Variants in MOB3B observed in about 807,000 individuals in gnomAD.
MOB3B encodes the protein MOB kinase activator-like 2B.
In MOB3B, 7 loss-of-function variants were observed where a neutral mutation model predicts 18.7. The ratio of observed to expected loss-of-function variants is 0.37; its 90% CI spans 0.21 to 0.70. The LOEUF (loss-of-function observed/expected upper bound fraction) is 0.70. MOB3B is among the 30% of genes least tolerant of loss of function. The pLI is 0.52. For missense variants in MOB3B, 253 were observed against 281.3 expected, an observed-to-expected ratio of 0.90 and a Z score of 0.72; for synonymous variants, 111 against 99.9, an observed-to-expected ratio of 1.11 and a Z score of -0.66.
chr9:27,505,873 TC>T (rs1820051320), intron 1 of MOB3B, among the ~76,000 whole-genome samples: 1 of 152,050 alleles, frequency 6.6e-6, no homozygotes, highest in Admixed American at 6.5e-5. Flanking sequence ...TTTTTCCCCC[TC>T]TCTCTTCCTT....
intron 1 of MOB3B, 93 bp from the exon 2 acceptor site, chr9:27,455,841 C>T: frequency 7.9e-7 from 1 of 1,263,434 alleles, no homozygotes; most frequent in Non-Finnish European, 1.0e-6. Flanking sequence ...GTGTTCTTGG[C>T]TGTGCCCACT....
Position 27,390,482 on chromosome 9 carries a change from G to T in MOB3B, c.419-31246C>A, listed in dbSNP as rs545353443. On this transcript the variant is annotated intron_variant, in intron 2 of 3. Transcript: ENST00000262244. The stretch of plus-strand genomic sequence containing the variant: ...CTCCCAAAGTGCTGGGATTATAGGC[G>T]TGAGCCACCGTGCCCGGCCAAGTTG... Among the ~76,000 whole-genome samples, 14 of 152,298 alleles carry T rather than the reference G, an allele frequency of 9.2e-5. No homozygotes were observed. In the South Asian group the frequency reaches 2.9e-3, roughly 32 times the overall value.
intron 2 of MOB3B, among the ~76,000 whole-genome samples, chr9:27,433,416 G>C (rs945631433): frequency 6.6e-6 from 1 of 152,162 alleles, no homozygotes; most frequent in Non-Finnish European, 1.5e-5. Flanking sequence ...AAGCCACATA[G>C]AGGTGAAACT....
At chr9:27,508,445 G>A (rs1325849492) in intron 1 of MOB3B, among the ~76,000 whole-genome samples, 3 of 151,982 alleles carry the variant, frequency 2.0e-5, no homozygotes, top group Non-Finnish European at 4.4e-5. Flanking sequence ...AGGATTTGGA[G>A]AAGAGTGAAG....
At chr9:27,493,235 C>A (rs1197511078) in intron 1 of MOB3B, among the ~76,000 whole-genome samples, 1 of 152,172 alleles carries the variant, frequency 6.6e-6, no homozygotes, top group Middle Eastern at 3.2e-3. Context: ...CGGCTGAAGC[C>A]ATGACAGAAG....
intron 2 of MOB3B, among the ~76,000 whole-genome samples, chr9:27,401,803 T>C (rs75175430): frequency 0.015 from 2,352 of 152,320 alleles, 28 homozygotes; most frequent in Middle Eastern, 0.034. Context: ...ATGGCAAACA[T>C]ACTGATCTGT....
intron 1 of MOB3B, among the ~76,000 whole-genome samples, chr9:27,512,022 C>G (rs918641900): frequency 6.6e-6 from 1 of 152,148 alleles, no homozygotes; most frequent in African/African-American, 2.4e-5. Context: ...CTAAGCCTAA[C>G]CATATAACCT....
At chr9:27,383,385 G>T (rs1022166409) in intron 2 of MOB3B, among the ~76,000 whole-genome samples, 1 of 152,174 alleles carries the variant, frequency 6.6e-6, no homozygotes, top group African/African-American at 2.4e-5. Flanking sequence ...CAGGGTTCAG[G>T]TTTTATAGTT....
chr9:27,486,133 G>A lies in MOB3B; in HGVS notation c.-198-30385C>T, dbSNP rs144118104. 7.6e-3 allele frequency among the ~76,000 whole-genome samples: 1,155 copies of A among 152,316 alleles called. 7 individuals are homozygous for A. The highest frequency in any genetic ancestry group is 0.012 in the Non-Finnish European group (794 of 68,022). ...GAAAAGAGCAAGTGCCACAAGACAG[G>A]ACAACGGGCAAGAGCTAGTTTCGAT... is the stretch of plus-strand genomic sequence containing the variant. On this transcript the variant is annotated intron_variant, in intron 1 of 3. Coordinates refer to ENST00000262244, the MANE Select transcript of MOB3B (RefSeq NM_024761.5).
chr9:27,503,985 TC>T (rs1276548240), intron 1 of MOB3B, among the ~76,000 whole-genome samples: 7 of 152,294 alleles, frequency 4.6e-5, no homozygotes, highest in Admixed American at 2.0e-4. Flanking sequence ...CTGCTTTCAT[TC>T]CCCTGCCAGT....
chr9:27,440,258 C>T (rs1386414773), intron 2 of MOB3B, among the ~76,000 whole-genome samples: 1 of 152,164 alleles, frequency 6.6e-6, no homozygotes, highest in Non-Finnish European at 1.5e-5. Context: ...TGATGTTCAA[C>T]TACATCACAG....
intron 1 of MOB3B, among the ~76,000 whole-genome samples, chr9:27,491,733 C>T (rs1399608738): frequency 2.6e-5 from 4 of 151,998 alleles, no homozygotes; most frequent in African/African-American, 9.7e-5. Context: ...ATTAGCTGGG[C>T]GTGGTGGCAG....
At chr9:27,478,461 G>A (rs1303140784) in intron 1 of MOB3B, among the ~76,000 whole-genome samples, 1 of 151,680 alleles carries the variant, frequency 6.6e-6, no homozygotes, top group Non-Finnish European at 1.5e-5. Context: ...TATGAACAAA[G>A]GGCAACTTTG....
chr9:27,506,832 ATTTTTTTTT>A (rs71492749), intron 1 of MOB3B, among the ~76,000 whole-genome samples: 1 of 120,510 alleles, frequency 8.3e-6, no homozygotes, highest in African/African-American at 3.1e-5. Flanking sequence ...ACCCCGGCTA[ATTTTTTTTT>A]TTTTTTTTTT....
chr9:27,436,053 G>A (rs1437377505), intron 2 of MOB3B, among the ~76,000 whole-genome samples: 2 of 152,122 alleles, frequency 1.3e-5, no homozygotes, highest in Non-Finnish European at 1.5e-5. Context: ...GACCTTTGTA[G>A]CTGTTGTTCT....
At chr9:27,453,329 C>T (rs10812599) in intron 2 of MOB3B, among the ~76,000 whole-genome samples, 26,463 of 152,130 alleles carry the variant, frequency 0.17, 2,910 homozygotes, top group East Asian at 0.49. Flanking sequence ...GAAATCTTTA[C>T]GATCTCTCAA....
chr9:27,378,307 G>A (rs185055651), intron 2 of MOB3B: 1 of 468,744 alleles, frequency 2.1e-6, no homozygotes, highest in Non-Finnish European at 4.4e-6. Context: ...GAGGTCATAA[G>A]GATGGATGCT....
At chr9:27,356,964 G>A (rs993750456) in intron 3 of MOB3B, among the ~76,000 whole-genome samples, 1 of 150,832 alleles carries the variant, frequency 6.6e-6, no homozygotes, top group Admixed American at 6.7e-5. Context: ...TTGTCCAACT[G>A]CATTCAGAGA....
rs1167259149 is a variant in MOB3B at position 27,480,300 on chromosome 9, C to CTT, written c.-198-24553_-198-24552insAA. 9.6e-4 allele frequency among the ~76,000 whole-genome samples: 119 copies of CTT among 123,402 alleles called. 1 individual carries two copies. In the East Asian group the frequency reaches 0.013, roughly 14 times the overall value. 81.0% of individuals were successfully genotyped at this position (123,402 alleles called of 152,430 possible). A position where few individuals can be genotyped will look rare whatever the true frequency, so the allele number is the denominator to read the frequency against. On this transcript the variant is annotated intron_variant, in intron 1 of 3. Transcript: ENST00000262244. ...TACAGGCACATGCCACCATGCCCAG[C>CTT]TATTTTTTTTTTTTTTTGAGACGGA...
Sources: gnomAD v4.1 joint callset for allele counts (sites outside exome capture counted in the v4.1 genomes callset) on GRCh38, gnomAD v4.1.1 for gene constraint, MANE v1.5 for transcripts, NCBI Gene and HGNC (gene_info 2026-07-23, HGNC 2026-07-21) for gene names.